The following SEC14L1 variants were observed in gnomAD, a reference collection of about 807,000 sequenced individuals.
The protein encoded by SEC14L1 is SEC14-like protein 1.
SEC14L1 carries 48 observed loss-of-function variants against 85.3 expected under a neutral mutation model. The observed-to-expected ratio is 0.56, with a 90% confidence interval of 0.45 to 0.72. SEC14L1 has a LOEUF of 0.72. Ranked by LOEUF, SEC14L1 falls within the 30% of genes least tolerant of loss-of-function variation. SEC14L1 has a pLI of 0.00. For missense variants in SEC14L1, 682 were observed against 921.4 expected (o/e 0.74, Z 3.36); for synonymous variants, 391 against 355.5 (o/e 1.10, Z -1.12).
At position 77,216,019 on chromosome 17, in the gene SEC14L1, C is replaced by T. The variant is rs62649956; in HGVS notation, c.*1996C>T. The stretch of plus-strand genomic sequence containing the variant: ...GTAGGTAGGGTTCGTAGGTAGGGTT[C>T]GTAGGTAGGGCTAGTAGGTAGGGTT... On this transcript the variant is annotated 3_prime_UTR_variant, in exon 17 of 17. Coordinates refer to ENST00000436233, the MANE Select transcript of SEC14L1 (RefSeq NM_001143998.2). 12 of 859,436 alleles carry T rather than the reference C, an allele frequency of 1.4e-5. 1 individual carries two copies. The highest frequency in any genetic ancestry group is 3.4e-5 in the African/African-American group (1 of 29,374). The allele number at this position is 859,436 out of a possible 1,614,324, so 53.2% of individuals were successfully genotyped here.
chr17:77,168,911 C>G (rs1398447349), intron 3 of SEC14L1, among the ~76,000 whole-genome samples: 1 of 151,220 alleles, frequency 6.6e-6, no homozygotes, highest in Non-Finnish European at 1.5e-5. Flanking sequence ...AATCCTGCAG[C>G]TATTTGGTTT....
chr17:77,213,621 G>GA lies in SEC14L1; in HGVS notation c.2042+130dup, dbSNP rs138018754. On this transcript the variant is annotated intron_variant, in intron 16 of 16. Transcript: ENST00000436233. This position sits in a 1 kb window ranked among gnomAD's most constrained non-coding sequence, Gnocchi z 7.1. ...CAGGAATGCTTGGAGGGCCAGGAGG[G>GA]AGTGGCTTTGGGGTCATTTGTTGGC... is the stretch of plus-strand genomic sequence containing the variant. 0.06 allele frequency: 69,638 copies of GA among 1,164,848 alleles called. 2,874 individuals carry two copies. The highest frequency in any genetic ancestry group is 0.15 in the Admixed American group (7,569 of 50,990). The allele number at this position is 1,164,848 out of a possible 1,614,324, so 72.2% of individuals were successfully genotyped here. A position where few individuals can be genotyped will look rare whatever the true frequency, so the allele number is the denominator to read the frequency against.
chr17:77,205,328 T>G lies in SEC14L1; in HGVS notation c.1151T>G (p.Val384Gly). Residue 384 changes from valine (V) to glycine (G), a missense_variant, in exon 11 of 17, where the codon GTC becomes GGC. Physicochemically the swap from Val to Gly is moderately radical, Grantham distance 109. This residue lies in a region of SEC14L1 where 420 missense variants were observed against 619.5 expected (regional missense o/e 0.68). Coordinates refer to ENST00000436233, the MANE Select transcript of SEC14L1 (RefSeq NM_001143998.2). ...GLRRCEENTK[V>G]FGRPISSWTC... ...AGGCGATGCGAAGAGAATACAAAAG[T>G]CTTTGGTCGGCCTATCAGGTAGATG... 6.2e-7 allele frequency: 1 copy of G among 1,614,134 alleles called. No individual in the cohort carries two copies. The highest frequency in any genetic ancestry group is 1.1e-5 in the South Asian group (1 of 91,080).
chr17:77,189,597 G>T (rs1033759111), intron 3 of SEC14L1, among the ~76,000 whole-genome samples: 3 of 152,030 alleles, frequency 2.0e-5, no homozygotes, highest in Non-Finnish European at 2.9e-5. Context: ...CTCCCATTTT[G>T]TAGTTTGTTT....
intron 3 of SEC14L1, among the ~76,000 whole-genome samples, chr17:77,097,702 T>C (rs1304347797): frequency 2.0e-5 from 3 of 152,214 alleles, no homozygotes; most frequent in African/African-American, 7.2e-5. Flanking sequence ...CTCTGGCTTA[T>C]TAGCCCGGTG....
In SEC14L1 at chr17:77,209,407, C is replaced by T. The variant is rs140278418; in HGVS notation, c.1542C>T (p.Asn514=). The T allele has an allele frequency of 3.3e-5, 53 of 1,614,034 alleles. No individual in the cohort carries two copies. The highest frequency in any genetic ancestry group is 2.5e-4 in the Admixed American group (15 of 60,008). Residue 514 remains asparagine (N), a synonymous_variant, in exon 14 of 17, where the codon AAC becomes AAT. Coordinates refer to ENST00000436233, the MANE Select transcript of SEC14L1 (RefSeq NM_001143998.2). ...SLYRTAEELE[N]EDLKLWTETI... Reference sequence around the variant, plus strand: ...ACCGGACTGCAGAGGAGCTGGAGAACGAAGACCTGAAGCTCTGGACTGAGA... The same window carrying T: ...ACCGGACTGCAGAGGAGCTGGAGAATGAAGACCTGAAGCTCTGGACTGAGA...
intron 3 of SEC14L1, among the ~76,000 whole-genome samples, chr17:77,149,559 CATG>C (rs1190234159): frequency 6.6e-6 from 1 of 152,060 alleles, no homozygotes; most frequent in Non-Finnish European, 1.5e-5. Context: ...AATAAATGGT[CATG>C]GTGGTGTGTG....
chr17:77,188,607 T>G (rs575247727), intron 3 of SEC14L1, among the ~76,000 whole-genome samples: 2 of 152,294 alleles, frequency 1.3e-5, no homozygotes, highest in African/African-American at 4.8e-5. Context: ...TATGAATGTT[T>G]GTATATGGGG....
At chr17:77,154,533 C>T (rs1002555951) in intron 3 of SEC14L1, among the ~76,000 whole-genome samples, 16 of 152,112 alleles carry the variant, frequency 1.1e-4, no homozygotes, top group Non-Finnish European at 1.8e-4. Flanking sequence ...ATTTTTATAT[C>T]AGGGACTGGG....
intron 10 of SEC14L1, chr17:77,205,064 A>G: frequency 1.9e-6 from 1 of 529,014 alleles, no homozygotes; most frequent in Non-Finnish European, 3.4e-6. Context: ...TTTGCCACAC[A>G]TGACAGTGTT....
At chr17:77,194,551 C>CG in intron 6 of SEC14L1, 126 bp from the exon 7 acceptor site, 2 of 593,750 alleles carry the variant, frequency 3.4e-6, no homozygotes, top group East Asian at 6.3e-5. Flanking sequence ...GACCCTGTCT[C>CG]AAAAAAAAAA....
intron 3 of SEC14L1, among the ~76,000 whole-genome samples, chr17:77,148,910 C>T (rs1269467834): frequency 6.6e-6 from 1 of 152,244 alleles, no homozygotes; most frequent in Non-Finnish European, 1.5e-5. Context: ...AACCTTATTT[C>T]ATAATTATGC....
chr17:77,132,765 G>A (rs894128319), intron 3 of SEC14L1, among the ~76,000 whole-genome samples: 4 of 152,160 alleles, frequency 2.6e-5, no homozygotes, highest in South Asian at 4.1e-4. Flanking sequence ...TTGGGCTCTG[G>A]AGGCTGAAAT....
chr17:77,105,011 AG>A (rs1971875371), intron 3 of SEC14L1, among the ~76,000 whole-genome samples: 1 of 152,026 alleles, frequency 6.6e-6, no homozygotes, highest in South Asian at 2.1e-4. Context: ...CTTGAAGCAA[AG>A]GAAGGAAGAC....
chr17:77,202,522 G>A (rs1225175194), intron 9 of SEC14L1, among the ~76,000 whole-genome samples: 1 of 152,226 alleles, frequency 6.6e-6, no homozygotes, highest in Non-Finnish European at 1.5e-5. Flanking sequence ...GGGAGGCTGA[G>A]GCAGGAGAAT....
chr17:77,134,737 A>G (rs1196361556), intron 3 of SEC14L1, among the ~76,000 whole-genome samples: 1 of 152,164 alleles, frequency 6.6e-6, no homozygotes, highest in Non-Finnish European at 1.5e-5. Context: ...TCTCAAAAAT[A>G]AATTAAATAA....
At chr17:77,171,820 C>A (rs1288036376) in intron 3 of SEC14L1, among the ~76,000 whole-genome samples, 1 of 152,118 alleles carries the variant, frequency 6.6e-6, no homozygotes, top group Non-Finnish European at 1.5e-5. Flanking sequence ...CCCGTTATGC[C>A]TTTTTTCTTT....
chr17:77,096,076 A>G (rs1438669944), intron 3 of SEC14L1, among the ~76,000 whole-genome samples: 2 of 123,724 alleles, frequency 1.6e-5, no homozygotes, highest in Admixed American at 8.3e-5. Context: ...TTTTTTTTTT[A>G]AATAGAGATG....
chr17:77,205,221 G>A (rs570466423), intron 10 of SEC14L1, 55 bp from the exon 11 acceptor site: 99 of 1,447,808 alleles, frequency 6.8e-5, no homozygotes, highest in South Asian at 5.5e-4. Context: ...AGCTGGACGC[G>A]GTAGTTTTAG....
Sources: gnomAD v4.1 joint callset for allele counts (sites outside exome capture counted in the v4.1 genomes callset) on GRCh38, gnomAD v4.1.1 for gene constraint, gnomAD v4.1.1 regional missense constraint, Gnocchi (gnomAD v3.1) non-coding constraint, MANE v1.5 for transcripts, NCBI Gene and HGNC (gene_info 2026-07-23, HGNC 2026-07-21) for gene names.